ERP27: variants seen among roughly 807,000 people sequenced by gnomAD.
The protein encoded by ERP27 is endoplasmic reticulum protein 27.
Under a neutral mutation model 27.7 loss-of-function variants are expected in ERP27, and 23 were observed. The ratio of observed to expected loss-of-function variants is 0.83; its 90% CI spans 0.60 to 1.18. ERP27 has a LOEUF of 1.18. Ranked by LOEUF, ERP27 falls within the 50% of genes most tolerant of loss-of-function variation. The pLI is 0.00. For synonymous variants in ERP27, 159 were observed against 118.3 expected (o/e 1.34, Z -2.23); for missense variants, 363 against 327.9 (o/e 1.11, Z -0.83).
chr12:14,927,101 C>T (rs4272830), intron 3 of ERP27, among the ~76,000 whole-genome samples: 85,079 of 151,852 alleles, frequency 0.56, 24,915 homozygotes, highest in East Asian at 0.83. Context: ...GCTTTGTATT[C>T]TGCATTCCAC....
At chr12:14,929,217 G>A (rs1174065033) in intron 3 of ERP27, 2 of 1,132,254 alleles carry the variant, frequency 1.8e-6, no homozygotes, top group African/African-American at 3.1e-5. Flanking sequence ...CAGTTACTCT[G>A]GGTGTTTCTG....
chr12:14,924,432 T>G (rs1456863826), intron 3 of ERP27, among the ~76,000 whole-genome samples: 1 of 152,208 alleles, frequency 6.6e-6, no homozygotes, highest in Non-Finnish European at 1.5e-5. Context: ...AGTTCTATTT[T>G]TAAATTTTTG....
intron 3 of ERP27, among the ~76,000 whole-genome samples, chr12:14,924,873 C>T (rs866430071): frequency 6.6e-6 from 1 of 152,302 alleles, no homozygotes; most frequent in South Asian, 2.1e-4. Context: ...AGAAGCTGGC[C>T]AAAACCCACC....
intron 3 of ERP27, among the ~76,000 whole-genome samples, chr12:14,931,643 G>A (rs1863699181): frequency 6.6e-6 from 1 of 152,112 alleles, no homozygotes; most frequent in Non-Finnish European, 1.5e-5. Context: ...AAAGAAGACT[G>A]AAAAACTGAG....
In ERP27 at chr12:14,914,629, G is replaced by A. The variant is rs1863379970; in HGVS notation, c.*106C>T. ...GTGTGTGCACGTGCGTGTGTGTGTG[G>A]TTGGCAGGCCTAGTGATCCTGTTGT... is the stretch of plus-strand genomic sequence containing the variant. On this transcript the variant is annotated 3_prime_UTR_variant, in exon 7 of 7. Transcript: ENST00000266397. 7.1e-6 allele frequency: 7 copies of A among 986,186 alleles called. No individual in the cohort carries two copies. Among genetic ancestry groups the A allele is most frequent in the Admixed American group, 2.1e-5 (1 of 48,684 alleles). The allele number at this position is 986,186 out of a possible 1,614,324, so 61.1% of individuals were successfully genotyped here. A position where few individuals can be genotyped will look rare whatever the true frequency, so the allele number is the denominator to read the frequency against.
In ERP27 at chr12:14,915,701, G is replaced by T. The variant is rs779789556; in HGVS notation, c.577-15C>A. On this transcript the variant is annotated splice_polypyrimidine_tract_variant and intron_variant, in intron 5 of 6. Transcript: ENST00000266397. ...ATAAAGAGAATCTGCAGTTGGGGAA[G>T]TTTGAAAGAAAAAGTTCTATCTGAG... 3 of 1,609,174 alleles carry T rather than the reference G, an allele frequency of 1.9e-6. No individual in the cohort carries two copies. The African/African-American group carries it at 4.0e-5, about 22-fold the overall frequency.
chr12:14,931,475 A>C (rs965941048), intron 3 of ERP27, among the ~76,000 whole-genome samples: 1 of 152,152 alleles, frequency 6.6e-6, no homozygotes, highest in African/African-American at 2.4e-5. Flanking sequence ...GAAAGCTGGC[A>C]TGACAAAAGT....
In ERP27 at chr12:14,935,160, T is replaced by C. The variant is rs185179311; in HGVS notation, c.196-167A>G. The C allele has an allele frequency of 8.1e-6, 8 of 985,380 alleles. No individual in the cohort carries two copies. The East Asian group carries it at 7.9e-4, about 98-fold the overall frequency. 61.0% of individuals were successfully genotyped at this position (985,380 alleles called of 1,614,324 possible). On this transcript the variant is annotated intron_variant, in intron 2 of 6. Transcript: ENST00000266397. ...AATTCAGGTTTAACTGGCAGTGACA[T>C]TCTTGAATTTTCCAGGCTCTGTAAG...
intron 2 of ERP27, among the ~76,000 whole-genome samples, chr12:14,936,631 G>A (rs1863777709): frequency 6.6e-6 from 1 of 152,154 alleles, no homozygotes; most frequent in Non-Finnish European, 1.5e-5. Context: ...GGTGGGACCA[G>A]GTGGCAGTAA....
At position 14,921,137 on chromosome 12, in the gene ERP27, G is replaced by A. The variant is rs538371342; in HGVS notation, c.334-89C>T. On this transcript the variant is annotated intron_variant, in intron 3 of 6. Transcript: ENST00000266397. ...TTTAGACCCCCATGTGACAGGCACT[G>A]ATTAAAGCTCTGAAGACCAAAAGAT... 1,173 of 1,086,582 alleles carry A rather than the reference G, an allele frequency of 1.1e-3. 11 individuals are homozygous for A. The highest frequency in any genetic ancestry group is 6.7e-3 in the South Asian group (505 of 74,994). 67.3% of individuals were successfully genotyped at this position (1,086,582 alleles called of 1,614,324 possible).
At chr12:14,935,615 C>T (rs1863762049) in intron 2 of ERP27, among the ~76,000 whole-genome samples, 1 of 152,220 alleles carries the variant, frequency 6.6e-6, no homozygotes, top group East Asian at 1.9e-4. Flanking sequence ...TCCTGAGACA[C>T]TTGCTGGGGC....
At chr12:14,930,096 T>A (rs1383333359) in intron 3 of ERP27, among the ~76,000 whole-genome samples, 1 of 152,000 alleles carries the variant, frequency 6.6e-6, no homozygotes, top group East Asian at 1.9e-4. Flanking sequence ...GACGGGTAGA[T>A]AGGTGCAGCA....
intron 3 of ERP27, among the ~76,000 whole-genome samples, chr12:14,933,464 G>A (rs1232172311): frequency 1.3e-5 from 2 of 152,198 alleles, no homozygotes; most frequent in East Asian, 1.9e-4. Context: ...TGCAGACCTG[G>A]ATAAATGTAG....
intron 2 of ERP27, chr12:14,935,328 G>A (rs1863758748): frequency 6.1e-6 from 1 of 163,030 alleles, no homozygotes; most frequent in Non-Finnish European, 1.3e-5. Context: ...AGATACACAT[G>A]AGAAGCAACT....
intron 3 of ERP27, among the ~76,000 whole-genome samples, chr12:14,931,974 T>A (rs945149366): frequency 6.6e-5 from 10 of 152,298 alleles, no homozygotes; most frequent in African/African-American, 2.4e-4. Context: ...AGAATTTGAT[T>A]TAATCTTATT....
Position 14,932,633 on chromosome 12 carries a change from GAA to G in ERP27, c.333+2221_333+2222del, listed in dbSNP as rs1399865273. Among the ~76,000 whole-genome samples the G allele has an allele frequency of 6.6e-5, 10 of 152,298 alleles. No homozygotes were observed. The East Asian group carries it at 1.7e-3, about 26-fold the overall frequency. On this transcript the variant is annotated intron_variant, in intron 3 of 6. Coordinates refer to ENST00000266397, the MANE Select transcript of ERP27 (RefSeq NM_152321.4). ...GAGAAATGTTGAAGAGTTTTAAAGAGAAGAGTGCTATGGCCAAATTTCTATCT... is the reference window on the plus strand; with the variant it reads ...GAGAAATGTTGAAGAGTTTTAAAGAGGAGTGCTATGGCCAAATTTCTATCT...
At chr12:14,931,876 A>T (rs1863702733) in intron 3 of ERP27, among the ~76,000 whole-genome samples, 1 of 152,094 alleles carries the variant, frequency 6.6e-6, no homozygotes, top group South Asian at 2.1e-4. Context: ...GAATTTTTGT[A>T]TTGAAGGATT....
At chr12:14,932,866 T>C (rs1863716579) in intron 3 of ERP27, among the ~76,000 whole-genome samples, 1 of 152,172 alleles carries the variant, frequency 6.6e-6, no homozygotes, top group Admixed American at 6.5e-5. Flanking sequence ...CTTAATAAAA[T>C]AGTATCTTAG....
intron 2 of ERP27, among the ~76,000 whole-genome samples, chr12:14,936,323 C>T (rs1404663936): frequency 6.6e-6 from 1 of 152,200 alleles, no homozygotes; most frequent in Admixed American, 6.5e-5. Context: ...CATGAAGATG[C>T]TGTTCACGCA....
Sources: gnomAD v4.1 joint callset for allele counts (sites outside exome capture counted in the v4.1 genomes callset) on GRCh38, gnomAD v4.1.1 for gene constraint, MANE v1.5 for transcripts, NCBI Gene and HGNC (gene_info 2026-07-23, HGNC 2026-07-21) for gene names.